Variants in MYOCOS observed in about 807,000 individuals in gnomAD.
The protein encoded by MYOCOS is myocilin opposite strand, also known as myocilin opposite strand protein.
chr1:171,619,666 T>C (rs1184304492), upstream of MYOCOS, among the ~76,000 whole-genome samples: 2 of 151,996 alleles, frequency 1.3e-5, no homozygotes, highest in Non-Finnish European at 2.9e-5. Flanking sequence ...CTGGCCAATA[T>C]GGTTGAACCC....
At chr1:171,611,359 G>A (rs1000372126) in intron 1 of MYOCOS, among the ~76,000 whole-genome samples, 2 of 152,032 alleles carry the variant, frequency 1.3e-5, no homozygotes, top group Admixed American at 6.6e-5. Flanking sequence ...AATTCTCAAC[G>A]TACCACTTCC....
intron 2 of MYOCOS, among the ~76,000 whole-genome samples, chr1:171,615,293 T>G (rs1003426771): frequency 6.6e-6 from 1 of 152,148 alleles, no homozygotes; most frequent in African/African-American, 2.4e-5. Flanking sequence ...GTGGAGGTGA[T>G]AAGAAGTGGC....
At chr1:171,609,918 C>T (rs970228792) in intron 1 of MYOCOS, among the ~76,000 whole-genome samples, 1 of 152,186 alleles carries the variant, frequency 6.6e-6, no homozygotes, top group African/African-American at 2.4e-5. Context: ...ACCAAGACTG[C>T]AGTCGCATTG....
chr1:171,612,672 A>C (rs1217252720), intron 1 of MYOCOS, among the ~76,000 whole-genome samples: 2 of 151,024 alleles, frequency 1.3e-5, no homozygotes, highest in East Asian at 3.9e-4. Context: ...CTAAAAATAC[A>C]AAAAAAAATT....
chr1:171,611,942 AT>A (rs1422401501), intron 1 of MYOCOS, among the ~76,000 whole-genome samples: 5 of 152,244 alleles, frequency 3.3e-5, no homozygotes, highest in African/African-American at 9.6e-5. Flanking sequence ...TGTCTCAGCA[AT>A]TACAATTACA....
At chr1:171,621,190 A>G (rs975697537), upstream of MYOCOS, among the ~76,000 whole-genome samples, 1 of 152,174 alleles carries the variant, frequency 6.6e-6, no homozygotes, top group African/African-American at 2.4e-5. Context: ...GCTTTGTCAC[A>G]GGTCATGGTC....
intron 2 of MYOCOS, among the ~76,000 whole-genome samples, chr1:171,626,226 G>A (rs1418964150): frequency 1.3e-5 from 2 of 152,052 alleles, no homozygotes; most frequent in African/African-American, 4.8e-5. Context: ...GGGACCACAG[G>A]TGCATGCTAC....
intron 1 of MYOCOS, among the ~76,000 whole-genome samples, chr1:171,606,163 C>A (rs1426020993): frequency 1.3e-5 from 2 of 152,210 alleles, no homozygotes; most frequent in African/African-American, 4.8e-5. Context: ...CTGCTTACTG[C>A]TCCCTTGTTG....
chr1:171,620,032 G>A (rs762868710), upstream of MYOCOS, among the ~76,000 whole-genome samples: 163 of 148,670 alleles, frequency 1.1e-3, 1 homozygote, highest in Non-Finnish European at 1.6e-3. Context: ...GGGACCTTGT[G>A]ATCATGTGAG....
chr1:171,625,914 T>C (rs974888679), intron 2 of MYOCOS, among the ~76,000 whole-genome samples: 1 of 152,074 alleles, frequency 6.6e-6, no homozygotes, highest in African/African-American at 2.4e-5. Context: ...CTCTGTTGGG[T>C]CCATGGCACC....
chr1:171,618,820 C>T (rs1652498580), upstream of MYOCOS, among the ~76,000 whole-genome samples: 2 of 152,182 alleles, frequency 1.3e-5, no homozygotes, highest in African/African-American at 4.8e-5. Context: ...GGGTGATCTG[C>T]CCGCCTTGGC....
rs1474148651 is a variant in MYOCOS, at chr1:171,626,810, A to G, written c.*209A>G. 2.4e-5 allele frequency: 9 copies of G among 378,274 alleles called. No individual in the cohort carries two copies. The highest frequency in any genetic ancestry group is 1.1e-4 in the East Asian group (3 of 26,258). 23.4% of individuals were successfully genotyped at this position (378,274 alleles called of 1,614,324 possible). A position where few individuals can be genotyped will look rare whatever the true frequency, so the allele number is the denominator to read the frequency against. ...AATCCAAGTCTCTGATATGATATGC[A>G]TATATTTTGATCTTTATGTTATGCT... On this transcript the variant is annotated 3_prime_UTR_variant, in exon 3 of 3. Coordinates refer to ENST00000637642, the MANE Select transcript of MYOCOS (RefSeq NM_001391940.1).
intron 1 of MYOCOS, among the ~76,000 whole-genome samples, chr1:171,604,873 T>C (rs1652215577): frequency 1.3e-5 from 2 of 152,170 alleles, no homozygotes; most frequent in Admixed American, 6.5e-5. Context: ...GAGTGGAAGC[T>C]GCAACCCTTT....
chr1:171,606,710 G>A (rs1652249913), intron 1 of MYOCOS, among the ~76,000 whole-genome samples: 1 of 152,206 alleles, frequency 6.6e-6, no homozygotes, highest in African/African-American at 2.4e-5. Context: ...CAGAAATTGT[G>A]CACTCGAGGA....
At chr1:171,602,025 A>T (rs1652151355) in intron 1 of MYOCOS, among the ~76,000 whole-genome samples, 1 of 152,134 alleles carries the variant, frequency 6.6e-6, no homozygotes, top group African/African-American at 2.4e-5. Flanking sequence ...GTCCAAAGAC[A>T]TAAAGAAAGT....
In MYOCOS at chr1:171,626,597, C is replaced by T. The variant is rs1311756529; in HGVS notation, c.239C>T (p.Ser80Phe). 2.5e-6 allele frequency: 1 copy of T among 398,440 alleles called. No homozygotes were observed. Among genetic ancestry groups the T allele is most frequent in the African/African-American group, 2.1e-5 (1 of 48,616 alleles). The allele number at this position is 398,440 out of a possible 1,614,324, so 24.7% of individuals were successfully genotyped here. The change falls in exon 3 of 3, where the codon TCC (serine) becomes TTC (phenylalanine). Residue 80 changes from serine to phenylalanine, a missense_variant. Coordinates refer to ENST00000637642, the MANE Select transcript of MYOCOS (RefSeq NM_001391940.1). ...TCTCCAGCTGAGGATCCCACGGTCT[C>T]CTAAGATGTAAAACTTATTTTGAAG... is the stretch of plus-strand genomic sequence containing the variant. ...PPSPAEDPTV[S>F]
At chr1:171,615,525 G>A (rs1485457556) in intron 2 of MYOCOS, among the ~76,000 whole-genome samples, 1 of 152,068 alleles carries the variant, frequency 6.6e-6, no homozygotes, top group Non-Finnish European at 1.5e-5. Flanking sequence ...CAGGCAGCCC[G>A]GTGCCAGGCC....
intron 1 of MYOCOS, among the ~76,000 whole-genome samples, chr1:171,607,274 ATTAC>A (rs942858815): frequency 2.1e-4 from 32 of 152,178 alleles, no homozygotes; most frequent in African/African-American, 6.8e-4. Flanking sequence ...CAATAAGATG[ATTAC>A]TTAATTGCCT....
At chr1:171,615,585 A>G (rs1034915284) in intron 2 of MYOCOS, among the ~76,000 whole-genome samples, 1 of 152,328 alleles carries the variant, frequency 6.6e-6, no homozygotes, top group African/African-American at 2.4e-5. Context: ...TTAAAAATCA[A>G]CTCATAACTT....
Sources: gnomAD v4.1 joint callset for allele counts (sites outside exome capture counted in the v4.1 genomes callset) on GRCh38, gnomAD v4.1.1 for gene constraint, MANE v1.5 for transcripts, NCBI Gene and HGNC (gene_info 2026-07-23, HGNC 2026-07-21) for gene names.